JPH1: variants seen among roughly 807,000 people sequenced by gnomAD.
The protein encoded by JPH1 is junctophilin 1.
A neutral mutation model predicts 53.6 loss-of-function variants in JPH1; 12 were observed. The ratio of observed to expected loss-of-function variants is 0.22; its 90% CI spans 0.14 to 0.36. The LOEUF (loss-of-function observed/expected upper bound fraction) is 0.36, where lower values mean the gene tolerates loss of function less well. JPH1 is among the 10% of genes least tolerant of loss of function. JPH1 has a pLI of 1.00. For missense variants in JPH1, 808 were observed against 905.5 expected, an observed-to-expected ratio of 0.89 and a Z score of 1.38; for synonymous variants, 375 against 363.8, an observed-to-expected ratio of 1.03 and a Z score of -0.35.
chr8:74,286,616 G>C (rs1285315480), intron 2 of JPH1, among the ~76,000 whole-genome samples: 1 of 152,104 alleles, frequency 6.6e-6, no homozygotes, highest in Admixed American at 6.6e-5. Flanking sequence ...AATGAAACTT[G>C]TATCTCCCTA....
intron 3 of JPH1, among the ~76,000 whole-genome samples, chr8:74,252,934 A>T (rs79421549): frequency 0.3 from 45,769 of 150,406 alleles, 7,579 homozygotes; most frequent in Admixed American, 0.38. Flanking sequence ...CTCCCACACA[A>T]TAATAATGGG....
rs375950707 is a variant in JPH1, at chr8:74,245,139, A to G, written c.1295T>C (p.Val432Ala). ...DYVKQRFQEGVDAKENPEEKV... is the reference protein window; with the variant it reads ...DYVKQRFQEGADAKENPEEKV... ...TTCTTCTGGATTTTCTTTAGCATCTACACCTTCCTGAAATCTCTGTTTGAC... is the reference window on the plus strand; with the variant it reads ...TTCTTCTGGATTTTCTTTAGCATCTGCACCTTCCTGAAATCTCTGTTTGAC... Residue 432 changes from valine to alanine, a missense_variant, in exon 4 of 6, where the codon GTA becomes GCA. Physicochemically the swap from Val to Ala is moderately conservative, Grantham distance 64. This residue lies in a region of JPH1 where 756 missense variants were observed against 811.9 expected (regional missense o/e 0.93). Transcript: ENST00000342232. 324 of 1,604,564 alleles carry G rather than the reference A, an allele frequency of 2.0e-4. 1 individual carries two copies. The highest frequency in any genetic ancestry group is 2.5e-4 in the Non-Finnish European group (289 of 1,178,024).
intron 1 of JPH1, among the ~76,000 whole-genome samples, chr8:74,316,574 G>T (rs1048050397): frequency 2.6e-5 from 4 of 152,164 alleles, no homozygotes; most frequent in African/African-American, 9.7e-5. Context: ...TTTACTCTTG[G>T]AGAAACTGAT....
chr8:74,253,201 C>G (rs1806119087), intron 3 of JPH1, among the ~76,000 whole-genome samples: 1 of 152,066 alleles, frequency 6.6e-6, no homozygotes, highest in Non-Finnish European at 1.5e-5. Context: ...TCTCTCAGAC[C>G]ACAGTGCAAT....
In JPH1 at chr8:74,241,948, C is replaced by T. The variant is rs552663794; in HGVS notation, c.1905+2581G>A. The stretch of plus-strand genomic sequence containing the variant: ...GCTAAAGATGCCTCTTCTGACCCTA[C>T]CAGAGTTGTCATGTTGCAAAACTCT... On this transcript the variant is annotated intron_variant, in intron 4 of 5. Transcript: ENST00000342232. Among the ~76,000 whole-genome samples the T allele has an allele frequency of 2.0e-5, 3 of 152,290 alleles. No individual in the cohort carries two copies. The East Asian group carries it at 5.8e-4, about 29-fold the overall frequency.
chr8:74,261,908 C>T (rs1233221339), intron 2 of JPH1, among the ~76,000 whole-genome samples: 1 of 152,220 alleles, frequency 6.6e-6, no homozygotes, highest in Non-Finnish European at 1.5e-5. Context: ...AATAAAACAG[C>T]AGTAGTATAT....
intron 2 of JPH1, among the ~76,000 whole-genome samples, chr8:74,304,762 A>T (rs1419463737): frequency 6.6e-6 from 1 of 152,234 alleles, no homozygotes. Context: ...TTAACAAAAA[A>T]TAATAAAATT....
At chr8:74,303,186 T>C (rs1807734385) in intron 2 of JPH1, among the ~76,000 whole-genome samples, 1 of 152,226 alleles carries the variant, frequency 6.6e-6, no homozygotes. Context: ...CCTCTTTCTC[T>C]GCATGTCCCG....
At chr8:74,277,403 T>A (rs1334484402) in intron 2 of JPH1, among the ~76,000 whole-genome samples, 4 of 152,378 alleles carry the variant, frequency 2.6e-5, no homozygotes, top group Non-Finnish European at 4.4e-5. Context: ...TAGATAAGCA[T>A]AATGGAATTT....
chr8:74,298,207 T>A (rs1807576145), intron 2 of JPH1, among the ~76,000 whole-genome samples: 1 of 152,242 alleles, frequency 6.6e-6, no homozygotes, highest in African/African-American at 2.4e-5. Flanking sequence ...TGTCCACACA[T>A]CAGATTCACT....
intron 3 of JPH1, among the ~76,000 whole-genome samples, chr8:74,254,663 ATCT>A (rs1354181590): frequency 1.3e-5 from 2 of 152,138 alleles, no homozygotes; most frequent in African/African-American, 4.8e-5. Context: ...TCAGCCCAAA[ATCT>A]TCTTAAGCTG....
rs1377443950 is a variant in JPH1 at position 74,259,279 on chromosome 8, C to T, written c.1258+106G>A. 3 of 868,610 alleles carry T rather than the reference C, an allele frequency of 3.5e-6. No individual in the cohort carries two copies. In the East Asian group the frequency reaches 7.5e-5, roughly 22 times the overall value. 53.8% of individuals were successfully genotyped at this position (868,610 alleles called of 1,614,324 possible). A position where few individuals can be genotyped will look rare whatever the true frequency, so the allele number is the denominator to read the frequency against. ...CCCTTGCTTGTTTTGTATAATAGTA[C>T]TGCTGGGATTCAGGAAGCACACATC... On this transcript the variant is annotated intron_variant, in intron 3 of 5. Coordinates refer to ENST00000342232, the MANE Select transcript of JPH1 (RefSeq NM_020647.4).
At position 74,321,422 on chromosome 8, in the gene JPH1, C is replaced by T. The variant is rs1373373030; in HGVS notation, c.-135G>A. The T allele has an allele frequency of 9.7e-6, 8 of 826,494 alleles. No individual in the cohort carries two copies. Among genetic ancestry groups the T allele is most frequent in the Non-Finnish European group, 1.4e-5 (8 of 590,622 alleles). The allele number at this position is 826,494 out of a possible 1,614,324, so 51.2% of individuals were successfully genotyped here. A position where few individuals can be genotyped will look rare whatever the true frequency, so the allele number is the denominator to read the frequency against. On this transcript the variant is annotated 5_prime_UTR_variant, in exon 1 of 6. Coordinates refer to ENST00000342232, the MANE Select transcript of JPH1 (RefSeq NM_020647.4). The surrounding 1 kb of genome is among the most constrained non-coding windows in gnomAD (Gnocchi z 4.3). ...GCCCTGGGCAGCTCGCGCTGCCGCT[C>T]GGCTCCAGTCCGACGCCGCCCCCGT... is the stretch of plus-strand genomic sequence containing the variant.
intron 3 of JPH1, among the ~76,000 whole-genome samples, chr8:74,257,993 T>C (rs1332383912): frequency 6.6e-6 from 1 of 152,222 alleles, no homozygotes; most frequent in East Asian, 1.9e-4. Context: ...TCCAGGTCAT[T>C]TCTCATTGCT....
intron 3 of JPH1, among the ~76,000 whole-genome samples, chr8:74,256,794 G>A (rs1373030637): frequency 6.6e-6 from 1 of 152,170 alleles, no homozygotes; most frequent in Non-Finnish European, 1.5e-5. Context: ...AACAACATAA[G>A]ATTTAATTAA....
rs182231450 is a variant in JPH1 at position 74,235,051 on chromosome 8, C to T, written c.*2000G>A. ...CAACATGCTCACTTTATAAACATAT[C>T]CTCTCGCTATCTGTTACCCATTATT... is the stretch of plus-strand genomic sequence containing the variant. On this transcript the variant is annotated 3_prime_UTR_variant, in exon 6 of 6. Transcript: ENST00000342232. 614 of 152,616 alleles carry T rather than the reference C, an allele frequency of 4.0e-3. 2 individuals are homozygous for T. The highest frequency in any genetic ancestry group is 6.4e-3 in the Non-Finnish European group (435 of 68,014). The allele number at this position is 152,616 out of a possible 1,614,324, so 9.5% of individuals were successfully genotyped here.
chr8:74,256,290 G>A (rs904402674), intron 3 of JPH1, among the ~76,000 whole-genome samples: 3 of 151,556 alleles, frequency 2.0e-5, no homozygotes, highest in African/African-American at 7.3e-5. Flanking sequence ...ACTATCACAA[G>A]GACAAAAAAC....
At chr8:74,319,141 C>T (rs1808243038) in intron 1 of JPH1, among the ~76,000 whole-genome samples, 1 of 152,032 alleles carries the variant, frequency 6.6e-6, no homozygotes, top group African/African-American at 2.4e-5. Flanking sequence ...GACATGTACA[C>T]AGACAGCCTC....
intron 2 of JPH1, among the ~76,000 whole-genome samples, chr8:74,298,836 T>C (rs16938857): frequency 0.092 from 14,030 of 152,246 alleles, 783 homozygotes; most frequent in East Asian, 0.19. Flanking sequence ...CTGGATGTTT[T>C]TCCTGGTGGT....
Sources: allele counts gnomAD v4.1 joint callset (sites outside exome capture counted in the v4.1 genomes callset), GRCh38; gene constraint gnomAD v4.1.1; regional missense constraint gnomAD v4.1.1; non-coding constraint Gnocchi (gnomAD v3.1); transcripts MANE v1.5; gene names NCBI Gene and HGNC (gene_info 2026-07-23, HGNC 2026-07-21).